SDK1: variants seen among roughly 807,000 people sequenced by gnomAD.
SDK1 encodes the protein protein sidekick-1.
SDK1 carries 157 observed loss-of-function variants against 245.5 expected under a neutral mutation model. The observed-to-expected ratio is 0.64, with a 90% CI of 0.56 to 0.73. The LOEUF is 0.73. SDK1 is among the 30% of genes least tolerant of loss of function. SDK1 has a pLI of 0.00. For missense variants in SDK1, 3,583 were observed against 3,002.3 expected (o/e 1.19, Z -4.52); for synonymous variants, 1,647 against 1,278.5 (o/e 1.29, Z -6.15).
intron 28 of SDK1, 55 bp from the exon 29 acceptor site, chr7:4,145,666 TC>T: frequency 6.8e-7 from 1 of 1,479,092 alleles, no homozygotes; most frequent in Non-Finnish European, 9.2e-7. Context: ...GCACAGGGCT[TC>T]CCTGTGCCGT....
At chr7:3,573,493 C>G (rs528693836) in intron 1 of SDK1, among the ~76,000 whole-genome samples, 1 of 152,208 alleles carries the variant, frequency 6.6e-6, no homozygotes, top group African/African-American at 2.4e-5. Flanking sequence ...AGGCTGAGGA[C>G]AACAGATGCA....
chr7:3,805,234 TG>T (rs1779212130), intron 4 of SDK1, among the ~76,000 whole-genome samples: 1 of 152,240 alleles, frequency 6.6e-6, no homozygotes, highest in Non-Finnish European at 1.5e-5. Context: ...CTGAAACCCT[TG>T]CTGAACTTAT....
chr7:3,757,524 A>T (rs1000348929), intron 4 of SDK1, among the ~76,000 whole-genome samples: 2 of 152,164 alleles, frequency 1.3e-5, no homozygotes, highest in Non-Finnish European at 2.9e-5. Flanking sequence ...GGTGTGAGTC[A>T]CCAGGCCTGA....
At chr7:3,495,598 T>G (rs1414755443) in intron 1 of SDK1, among the ~76,000 whole-genome samples, 1 of 152,202 alleles carries the variant, frequency 6.6e-6, no homozygotes, top group African/African-American at 2.4e-5. Context: ...GTTCAGGCTC[T>G]TTGCAACATT....
chr7:3,597,706 A>G (rs979893410), intron 1 of SDK1, among the ~76,000 whole-genome samples: 1 of 152,220 alleles, frequency 6.6e-6, no homozygotes, highest in African/African-American at 2.4e-5. Context: ...AGAGGGGCTC[A>G]GTGCAGTGCA....
chr7:3,858,705 CGAA>C (rs990087343), intron 5 of SDK1, among the ~76,000 whole-genome samples: 3 of 151,310 alleles, frequency 2.0e-5, no homozygotes, highest in African/African-American at 7.3e-5. Flanking sequence ...AAGCAAAAAA[CGAA>C]GGAAGAATTT....
rs998708988 is a variant in SDK1, at chr7:3,991,084, C to T, written c.2131+3762C>T. 3.3e-5 allele frequency among the ~76,000 whole-genome samples: 5 copies of T among 152,328 alleles called. No homozygotes were observed. In the South Asian group the frequency reaches 8.3e-4, roughly 25 times the overall value. On this transcript the variant is annotated intron_variant, in intron 14 of 44. Coordinates refer to ENST00000404826, the MANE Select transcript of SDK1 (RefSeq NM_152744.4). ...AGAGGCATCGATGCAGCCTCCACGT[C>T]GCACGTTCCCGGCTAGGTACGTACA... is the stretch of plus-strand genomic sequence containing the variant.
At chr7:3,676,692 G>C (rs1783914876) in intron 4 of SDK1, among the ~76,000 whole-genome samples, 1 of 152,134 alleles carries the variant, frequency 6.6e-6, no homozygotes, top group Non-Finnish European at 1.5e-5. Flanking sequence ...GTAAATTTTT[G>C]TATATGATGA....
At chr7:3,624,714 G>C (rs371896630) in intron 2 of SDK1, among the ~76,000 whole-genome samples, 1 of 152,072 alleles carries the variant, frequency 6.6e-6, no homozygotes, top group Non-Finnish European at 1.5e-5. Flanking sequence ...CAATATGCCA[G>C]AGGAGCATTT....
chr7:3,620,495 G>A lies in SDK1; in HGVS notation c.458+1256G>A, dbSNP rs189502006. On this transcript the variant is annotated intron_variant, in intron 2 of 44. Coordinates refer to ENST00000404826, the MANE Select transcript of SDK1 (RefSeq NM_152744.4). The stretch of plus-strand genomic sequence containing the variant: ...TTTTTGTATTTTTAGTAGAGATGGG[G>A]TTTCACCATGTTGACCAGGCTTGTC... 3.8e-3 allele frequency among the ~76,000 whole-genome samples: 578 copies of A among 152,144 alleles called. 2 individuals are homozygous for A. Among genetic ancestry groups the A allele is most frequent in the Non-Finnish European group, 6.7e-3 (453 of 68,006 alleles).
At chr7:3,469,329 G>A (rs748698819) in intron 1 of SDK1, among the ~76,000 whole-genome samples, 9 of 152,142 alleles carry the variant, frequency 5.9e-5, no homozygotes, top group Admixed American at 1.3e-4. Flanking sequence ...TACTTGGGAG[G>A]CTGAGGCAGG....
At chr7:3,940,602 G>T (rs1780321940) in intron 5 of SDK1, among the ~76,000 whole-genome samples, 1 of 151,980 alleles carries the variant, frequency 6.6e-6, no homozygotes, top group Non-Finnish European at 1.5e-5. Context: ...CAGCACTTTG[G>T]GAGGCTGAGG....
chr7:4,145,548 G>C (rs998435857), intron 28 of SDK1, among the ~76,000 whole-genome samples, 174 bp from the exon 29 acceptor site: 1 of 152,108 alleles, frequency 6.6e-6, no homozygotes, highest in Admixed American at 6.5e-5. Context: ...TCCACGTGGG[G>C]CCCCACCATT....
intron 13 of SDK1, among the ~76,000 whole-genome samples, chr7:3,986,982 A>G (rs575174121): frequency 1.3e-5 from 2 of 152,332 alleles, no homozygotes; most frequent in East Asian, 1.9e-4. Context: ...TGACCAGAAA[A>G]CAAAGTAACA....
chr7:3,645,679 G>T (rs1462357153), intron 4 of SDK1, among the ~76,000 whole-genome samples: 1 of 152,138 alleles, frequency 6.6e-6, no homozygotes, highest in Non-Finnish European at 1.5e-5. Flanking sequence ...AGAAAGTACA[G>T]TTTTTGACTG....
At chr7:3,413,854 C>T (rs1779283848) in intron 1 of SDK1, among the ~76,000 whole-genome samples, 1 of 152,104 alleles carries the variant, frequency 6.6e-6, no homozygotes, top group Admixed American at 6.6e-5. Flanking sequence ...CCAGATGTGG[C>T]ACATGTTTGT....
At chr7:4,045,095 A>G (rs895585219) in intron 17 of SDK1, among the ~76,000 whole-genome samples, 1 of 152,266 alleles carries the variant, frequency 6.6e-6, no homozygotes, top group Non-Finnish European at 1.5e-5. Context: ...GTTCATGCGT[A>G]TAAGTATTTT....
chr7:4,001,708 A>G (rs1342508274), intron 14 of SDK1, among the ~76,000 whole-genome samples: 1 of 152,222 alleles, frequency 6.6e-6, no homozygotes, highest in East Asian at 1.9e-4. Context: ...GGATATCAAA[A>G]TGTATTTATA....
Position 3,971,567 on chromosome 7 carries a change from C to G in SDK1, c.1816C>G (p.Arg606Gly). 2 of 1,605,922 alleles carry G rather than the reference C, an allele frequency of 1.2e-6. No homozygotes were observed. The highest frequency in any genetic ancestry group is 1.7e-6 in the Non-Finnish European group (2 of 1,174,158). ...GATHDPRVSLRYVWKKDNVAL... is the reference protein window; with the variant it reads ...GATHDPRVSLGYVWKKDNVAL... The stretch of plus-strand genomic sequence containing the variant: ...CACACATGACCCCCGGGTTTCACTC[C>G]GGTCAGCACAATCAGTTACAATGCT... The change falls in exon 12 of 45, where the codon CGC (arginine) becomes GGC (glycine). Residue 606 changes from arginine (R) to glycine (G), a missense_variant and splice_region_variant. Arg to Gly is a moderately radical substitution (Grantham distance 125, BLOSUM62 -2). Coordinates refer to ENST00000404826, the MANE Select transcript of SDK1 (RefSeq NM_152744.4).
Sources: allele counts gnomAD v4.1 joint callset (sites outside exome capture counted in the v4.1 genomes callset), GRCh38; gene constraint gnomAD v4.1.1; transcripts MANE v1.5; gene names NCBI Gene and HGNC (gene_info 2026-07-23, HGNC 2026-07-21).